Variants in GLIPR2 observed in about 807,000 individuals in gnomAD.
The protein encoded by GLIPR2 is GLI pathogenesis related 2.
GLIPR2 carries 21 observed loss-of-function variants against 20.4 expected under a neutral mutation model. That is an observed-to-expected ratio of 1.03 (90% CI 0.73 to 1.48). The LOEUF (loss-of-function observed/expected upper bound fraction) is 1.48, where lower values mean the gene tolerates loss of function less well. Among genes scored for constraint, GLIPR2 ranks in the 40% most tolerant of loss-of-function variants. GLIPR2 has a pLI of 0.00. For synonymous variants in GLIPR2, 91 were observed against 80.5 expected, an observed-to-expected ratio of 1.13 and a Z score of -0.70; for missense variants, 205 against 200.1, an observed-to-expected ratio of 1.02 and a Z score of -0.15.
chr9:36,143,714 G>T (rs1244713859), intron 1 of GLIPR2, among the ~76,000 whole-genome samples: 1 of 152,204 alleles, frequency 6.6e-6, no homozygotes, highest in Admixed American at 6.5e-5. Flanking sequence ...GAAGGGACTT[G>T]AAGGTCCTCT....
intron 4 of GLIPR2, among the ~76,000 whole-genome samples, chr9:36,161,147 T>C (rs62543627): frequency 0.22 from 33,104 of 152,018 alleles, 3,688 homozygotes; most frequent in South Asian, 0.29. Context: ...AAGTTTGCAA[T>C]TGGGACCAAG....
chr9:36,157,622 C>T (rs1164856453), intron 4 of GLIPR2, among the ~76,000 whole-genome samples: 1 of 151,906 alleles, frequency 6.6e-6, no homozygotes. Flanking sequence ...GCTAGGATTA[C>T]AGGCATGAGC....
Position 36,162,471 on chromosome 9 carries a change from T to A in GLIPR2, c.414T>A (p.Asn138Lys). 1 of 1,614,086 alleles carries A rather than the reference T, an allele frequency of 6.2e-7. No individual in the cohort carries two copies. Among genetic ancestry groups the A allele is most frequent in the Non-Finnish European group, 8.5e-7 (1 of 1,180,030 alleles). Residue 138 changes from asparagine to lysine, a missense_variant, in exon 5 of 5, where the codon AAT (asparagine) becomes AAA (lysine). Transcript: ENST00000377960. The stretch of plus-strand genomic sequence containing the variant: ...TGGCCAGATACTTCCCAGCGGGGAA[T>A]GTTGTCAATGAGGGCTTCTTCGAAG... Reference protein sequence around the residue: ...FVVARYFPAGNVVNEGFFEEN... With the variant: ...FVVARYFPAGKVVNEGFFEEN...
chr9:36,147,244 A>C (rs1484384535), intron 1 of GLIPR2, among the ~76,000 whole-genome samples: 1 of 151,738 alleles, frequency 6.6e-6, no homozygotes, highest in Non-Finnish European at 1.5e-5. Flanking sequence ...CCTTGGCTTC[A>C]CCCACCCAGC....
intron 1 of GLIPR2, among the ~76,000 whole-genome samples, chr9:36,143,751 A>T (rs1825195289): frequency 6.6e-6 from 1 of 152,114 alleles, no homozygotes; most frequent in Non-Finnish European, 1.5e-5. Flanking sequence ...TCCCTCCAAG[A>T]GGGACTCACC....
rs148250579 is a variant in GLIPR2 at position 36,139,171 on chromosome 9, G to A, written c.13+2380G>A. Among the ~76,000 whole-genome samples, 293 of 152,228 alleles carry A rather than the reference G, an allele frequency of 1.9e-3. 1 individual carries two copies. Among genetic ancestry groups the A allele is most frequent in the African/African-American group, 6.5e-3 (271 of 41,536 alleles). The stretch of plus-strand genomic sequence containing the variant: ...AGAGGGAAGGGTCAGAGGCCTGCAC[G>A]ATGGGATGATGGCTTCCATGCCTGG... On this transcript the variant is annotated intron_variant, in intron 1 of 4. Transcript: ENST00000377960.
intron 1 of GLIPR2, chr9:36,144,237 C>G (rs142057391): frequency 6.6e-6 from 1 of 152,220 alleles, no homozygotes; most frequent in Non-Finnish European, 1.5e-5. Context: ...TCTCTGACTC[C>G]TTATCCCAAA....
At chr9:36,159,286 G>C (rs1825959027) in intron 4 of GLIPR2, among the ~76,000 whole-genome samples, 1 of 152,186 alleles carries the variant, frequency 6.6e-6, no homozygotes, top group Non-Finnish European at 1.5e-5. Flanking sequence ...AAGGAACTGA[G>C]ATGTTTGGCT....
chr9:36,143,123 C>G (rs142096502), intron 1 of GLIPR2, among the ~76,000 whole-genome samples: 47 of 152,122 alleles, frequency 3.1e-4, no homozygotes, highest in African/African-American at 8.4e-4. Flanking sequence ...TAGTTTTTAG[C>G]GGCCTTATAT....
intron 2 of GLIPR2, among the ~76,000 whole-genome samples, chr9:36,148,152 G>A (rs1276349192): frequency 6.6e-6 from 1 of 152,178 alleles, no homozygotes; most frequent in African/African-American, 2.4e-5. Context: ...AGAGGCTGAG[G>A]CAGGAGAATT....
intron 4 of GLIPR2, among the ~76,000 whole-genome samples, chr9:36,155,591 CA>C (rs983037240): frequency 2.2e-4 from 30 of 137,556 alleles, no homozygotes; most frequent in Non-Finnish European, 2.4e-4. Context: ...GAGACTGTCT[CA>C]AAAAAAAAAA....
In GLIPR2 at chr9:36,142,329, G is replaced by A. The variant is rs566619791; in HGVS notation, c.14-5457G>A. On this transcript the variant is annotated intron_variant, in intron 1 of 4. Coordinates refer to ENST00000377960, the MANE Select transcript of GLIPR2 (RefSeq NM_022343.4). ...TCGCCTGTGACCCTGAGGAGGGGTG[G>A]GGGCTTAGGACAGGGCTTTGCATAG... 5.9e-5 allele frequency among the ~76,000 whole-genome samples: 9 copies of A among 152,240 alleles called. No individual in the cohort carries two copies. In the South Asian group the frequency reaches 1.9e-3, roughly 32 times the overall value.
chr9:36,143,346 C>T (rs1825173756), intron 1 of GLIPR2, among the ~76,000 whole-genome samples: 1 of 152,174 alleles, frequency 6.6e-6, no homozygotes, highest in Non-Finnish European at 1.5e-5. Context: ...CTTCCTGAGC[C>T]AGGAACACCT....
chr9:36,145,651 A>G (rs890121686), intron 1 of GLIPR2, among the ~76,000 whole-genome samples: 1 of 152,102 alleles, frequency 6.6e-6, no homozygotes. Flanking sequence ...AGATGTATGG[A>G]AGATATTAGG....
chr9:36,150,696 C>T (rs1324393463), intron 3 of GLIPR2, among the ~76,000 whole-genome samples, 176 bp from the exon 4 acceptor site: 1 of 152,206 alleles, frequency 6.6e-6, no homozygotes, highest in Non-Finnish European at 1.5e-5. Flanking sequence ...TGGCCATGCT[C>T]ATGGGCAGGA....
intron 1 of GLIPR2, chr9:36,146,320 C>T (rs1184370953): frequency 2.0e-5 from 3 of 152,216 alleles, no homozygotes; most frequent in Non-Finnish European, 4.4e-5. Flanking sequence ...TCTCACTCCT[C>T]CGCATGGTTA....
Position 36,163,341 on chromosome 9 carries a change from T to C in GLIPR2, c.*819T>C. 5.9e-6 allele frequency: 1 copy of C among 168,408 alleles called. No homozygotes were observed. Among genetic ancestry groups the C allele is most frequent in the Admixed American group, 6.1e-5 (1 of 16,458 alleles). The allele number at this position is 168,408 out of a possible 1,614,324, so 10.4% of individuals were successfully genotyped here. A position where few individuals can be genotyped will look rare whatever the true frequency, so the allele number is the denominator to read the frequency against. On this transcript the variant is annotated 3_prime_UTR_variant, in exon 5 of 5. Coordinates refer to ENST00000377960, the MANE Select transcript of GLIPR2 (RefSeq NM_022343.4). ...CCTCTGCTAGGCAGCCCAGGCCTGG[T>C]CTGGGAGACAGCCCCTCACCCTGCC...
Position 36,136,739 on chromosome 9 carries a change from C to T in GLIPR2, c.-40C>T. ...GGCGCTGGGCCGGGCGAGCGCAGTG[C>T]AGCGCAGCCGCGGGGAGCGAGGAGC... On this transcript the variant is annotated 5_prime_UTR_variant, in exon 1 of 5. Coordinates refer to ENST00000377960, the MANE Select transcript of GLIPR2 (RefSeq NM_022343.4). This position sits in a 1 kb window ranked among gnomAD's most constrained non-coding sequence, Gnocchi z 4.3. 2.4e-6 allele frequency: 3 copies of T among 1,261,906 alleles called. No homozygotes were observed. The highest frequency in any genetic ancestry group is 3.0e-6 in the Non-Finnish European group (3 of 1,002,784). 78.2% of individuals were successfully genotyped at this position (1,261,906 alleles called of 1,614,324 possible). A position where few individuals can be genotyped will look rare whatever the true frequency, so the allele number is the denominator to read the frequency against.
Position 36,148,494 on chromosome 9 carries a change from T to C in GLIPR2, c.123-53T>C, listed in dbSNP as rs1825437883. The C allele has an allele frequency of 2.2e-6, 3 of 1,344,852 alleles. No homozygotes were observed. The African/African-American group carries it at 4.3e-5, about 19-fold the overall frequency. 83.3% of individuals were successfully genotyped at this position (1,344,852 alleles called of 1,614,324 possible). On this transcript the variant is annotated intron_variant, in intron 2 of 4. Transcript: ENST00000377960. Reference sequence around the variant, plus strand: ...GCCACACTAGCTTGGGGCACATACTTTGGGGGTTCCCTGAACTGCACCTGC... The same window carrying C: ...GCCACACTAGCTTGGGGCACATACTCTGGGGGTTCCCTGAACTGCACCTGC...
Sources: allele counts gnomAD v4.1 joint callset (sites outside exome capture counted in the v4.1 genomes callset), GRCh38; gene constraint gnomAD v4.1.1; non-coding constraint Gnocchi (gnomAD v3.1); transcripts MANE v1.5; gene names NCBI Gene and HGNC (gene_info 2026-07-23, HGNC 2026-07-21).